The following CCDC85C variants were observed in gnomAD, a reference collection of about 807,000 sequenced individuals.
CCDC85C encodes coiled-coil domain-containing protein 85C.
CCDC85C carries 18 observed loss-of-function variants against 38.3 expected under a neutral mutation model. The ratio of observed to expected loss-of-function variants is 0.47; its 90% CI spans 0.33 to 0.70. The LOEUF (loss-of-function observed/expected upper bound fraction) is 0.70. CCDC85C is among the 30% of genes least tolerant of loss of function. The pLI, the probability that CCDC85C is intolerant of heterozygous loss-of-function variation, is 0.03. For synonymous variants in CCDC85C, 264 were observed against 293.8 expected (o/e 0.90, Z 1.04); for missense variants, 566 against 621.2 (o/e 0.91, Z 0.94).
chr14:99,526,854 G>A (rs987507746), intron 2 of CCDC85C, among the ~76,000 whole-genome samples: 1 of 152,178 alleles, frequency 6.6e-6, no homozygotes, highest in African/African-American at 2.4e-5. Flanking sequence ...GCTCGAATGC[G>A]TGACTTGGGG....
chr14:99,521,179 C>T (rs1897298645), intron 3 of CCDC85C, among the ~76,000 whole-genome samples: 1 of 152,242 alleles, frequency 6.6e-6, no homozygotes, highest in Non-Finnish European at 1.5e-5. Context: ...GTGAGGGCAT[C>T]CCTTGGCTTT....
chr14:99,599,024 A>G (rs2055172622), intron 1 of CCDC85C, among the ~76,000 whole-genome samples: 2 of 151,874 alleles, frequency 1.3e-5, no homozygotes, highest in Non-Finnish European at 2.9e-5. Context: ...GGCTTATCTA[A>G]CCCACCCCAT....
chr14:99,549,489 A>C (rs910979642), intron 1 of CCDC85C, among the ~76,000 whole-genome samples: 3 of 152,218 alleles, frequency 2.0e-5, no homozygotes, highest in African/African-American at 7.2e-5. Context: ...CAGAGGCCAG[A>C]GCAGGCCCCC....
At chr14:99,585,981 G>T (rs1200355205) in intron 1 of CCDC85C, among the ~76,000 whole-genome samples, 5 of 152,220 alleles carry the variant, frequency 3.3e-5, no homozygotes, top group Non-Finnish European at 5.9e-5. Context: ...GCCCTTCCCT[G>T]CCTTGGGTGG....
chr14:99,518,946 G>A (rs922425916), intron 3 of CCDC85C, among the ~76,000 whole-genome samples: 3 of 152,058 alleles, frequency 2.0e-5, no homozygotes, highest in African/African-American at 7.2e-5. Context: ...GGGCATTCCC[G>A]GGGTGCAGGG....
intron 1 of CCDC85C, among the ~76,000 whole-genome samples, chr14:99,578,167 TCCC>T (rs1314838365): frequency 4.5e-5 from 6 of 131,878 alleles, no homozygotes; most frequent in Non-Finnish European, 7.7e-5. Flanking sequence ...CCGTCCTGTA[TCCC>T]CCATCAGTGT....
chr14:99,546,002 C>CA (rs568434495), intron 1 of CCDC85C, among the ~76,000 whole-genome samples: 9 of 150,486 alleles, frequency 6.0e-5, no homozygotes, highest in Admixed American at 2.6e-4. Flanking sequence ...GAAGCAAAGG[C>CA]AAAAAAAGCT....
intron 3 of CCDC85C, among the ~76,000 whole-genome samples, chr14:99,518,885 G>A (rs181934568): frequency 2.0e-5 from 3 of 152,210 alleles, no homozygotes; most frequent in East Asian, 1.9e-4. Context: ...GGCATGGCCC[G>A]GGATCCTGAA....
rs2139884250 is a variant in CCDC85C at position 99,509,055 on chromosome 14, C to T, written c.*6191G>A. The T allele has an allele frequency of 6.6e-6, 1 of 152,342 alleles. No individual in the cohort carries two copies. The highest frequency in any genetic ancestry group is 1.5e-5 in the Non-Finnish European group (1 of 68,054). 9.4% of individuals were successfully genotyped at this position (152,342 alleles called of 1,614,324 possible). On this transcript the variant is annotated 3_prime_UTR_variant, in exon 6 of 6. Coordinates refer to ENST00000380243, the MANE Select transcript of CCDC85C (RefSeq NM_001144995.2). ...ACACCAGTGGCACACCTGTTACCGA[C>T]CTGATGAAATCCTGCTCATGCTCGC... is the stretch of plus-strand genomic sequence containing the variant.
chr14:99,517,384 T>C (rs1399172644), intron 3 of CCDC85C, among the ~76,000 whole-genome samples: 2 of 152,056 alleles, frequency 1.3e-5, no homozygotes, highest in Non-Finnish European at 1.5e-5. Context: ...CCACCAGGTC[T>C]TCTGCAGATG....
Position 99,535,069 on chromosome 14 carries a change from C to G in CCDC85C, c.867+946G>C, listed in dbSNP as rs1244869089. On this transcript the variant is annotated intron_variant, in intron 2 of 5. Transcript: ENST00000380243. This position sits in a 1 kb window ranked among gnomAD's most constrained non-coding sequence, Gnocchi z 5.5. Reference sequence around the variant, plus strand: ...TGGGAGCTGTGCTCCCTGCTGGGGCCGTGAGCCTCCCAGCAGCCGCCCAGT... The same window carrying G: ...TGGGAGCTGTGCTCCCTGCTGGGGCGGTGAGCCTCCCAGCAGCCGCCCAGT... 4.6e-6 allele frequency: 1 copy of G among 219,484 alleles called. No homozygotes were observed. The highest frequency in any genetic ancestry group is 1.2e-4 in the East Asian group (1 of 8,380). 13.6% of individuals were successfully genotyped at this position (219,484 alleles called of 1,614,324 possible). A position where few individuals can be genotyped will look rare whatever the true frequency, so the allele number is the denominator to read the frequency against.
chr14:99,590,707 C>A (rs1173700379), intron 1 of CCDC85C, among the ~76,000 whole-genome samples: 3 of 152,220 alleles, frequency 2.0e-5, no homozygotes. Context: ...AGTGTCCCAG[C>A]CAAGTCCTAG....
At chr14:99,574,086 G>A (rs999041866) in intron 1 of CCDC85C, among the ~76,000 whole-genome samples, 4 of 152,132 alleles carry the variant, frequency 2.6e-5, no homozygotes, top group Admixed American at 6.5e-5. Flanking sequence ...TGCCAGGGAC[G>A]CGCAGGAGTT....
chr14:99,592,287 TGAG>T (rs1182238265), intron 1 of CCDC85C, among the ~76,000 whole-genome samples: 2 of 152,100 alleles, frequency 1.3e-5, no homozygotes, highest in Non-Finnish European at 2.9e-5. Flanking sequence ...ACCTTGACTC[TGAG>T]GGGTCGTGGG....
intron 1 of CCDC85C, among the ~76,000 whole-genome samples, chr14:99,577,138 T>C (rs1201720201): frequency 6.6e-6 from 1 of 151,918 alleles, no homozygotes; most frequent in Non-Finnish European, 1.5e-5. Context: ...GTCTCCTCTC[T>C]GGTTCCAAGT....
At chr14:99,561,376 C>T (rs546747588) in intron 1 of CCDC85C, among the ~76,000 whole-genome samples, 18 of 152,288 alleles carry the variant, frequency 1.2e-4, no homozygotes, top group African/African-American at 4.3e-4. Context: ...AGTGGACAGC[C>T]CCGTGACCAG....
In CCDC85C at chr14:99,578,904, C is replaced by T. The variant is rs961104570; in HGVS notation, c.793+24263G>A. Among the ~76,000 whole-genome samples, 10 of 150,192 alleles carry T rather than the reference C, an allele frequency of 6.7e-5. No individual in the cohort carries two copies. In the East Asian group the frequency reaches 9.9e-4, roughly 15 times the overall value. ...CTCTAGGTGACAGGTGGATGTGGTC[C>T]GTGTCACCCTGCTGGTGTTGACACA... On this transcript the variant is annotated intron_variant, in intron 1 of 5. Transcript: ENST00000380243.
Position 99,573,497 on chromosome 14 carries a change from C to T in CCDC85C, c.793+29670G>A, listed in dbSNP as rs1003533356. On this transcript the variant is annotated intron_variant, in intron 1 of 5. Transcript: ENST00000380243. ...GCCATGCCTTTGAGGTCCGGCGCTC[C>T]TCCCCCACCCTGGGCCTCAGTCTCC... Among the ~76,000 whole-genome samples the T allele has an allele frequency of 2.0e-5, 3 of 152,342 alleles. No individual in the cohort carries two copies. In the South Asian group the frequency reaches 6.2e-4, roughly 32 times the overall value.
rs1172169433 is a variant in CCDC85C at position 99,508,874 on chromosome 14, AG to A, written c.*6371del. On this transcript the variant is annotated 3_prime_UTR_variant, in exon 6 of 6. Transcript: ENST00000380243. ...AGGTGGCTGTGGAGTGACACACAGG[AG>A]GCATTGAAGGGTGTCAGCACTTTTC... The A allele has an allele frequency of 2.6e-5, 4 of 152,332 alleles. No individual in the cohort carries two copies. Among genetic ancestry groups the A allele is most frequent in the African/African-American group, 9.6e-5 (4 of 41,454 alleles). 9.4% of individuals were successfully genotyped at this position (152,332 alleles called of 1,614,324 possible).
Sources: gnomAD v4.1 joint callset for allele counts (sites outside exome capture counted in the v4.1 genomes callset) on GRCh38, gnomAD v4.1.1 for gene constraint, Gnocchi (gnomAD v3.1) non-coding constraint, MANE v1.5 for transcripts, NCBI Gene and HGNC (gene_info 2026-07-23, HGNC 2026-07-21) for gene names.